KCTD2: variants seen among roughly 807,000 people sequenced by gnomAD.
The protein encoded by KCTD2 is potassium channel tetramerization domain containing 2.
KCTD2 carries 18 observed loss-of-function variants against 27.9 expected under a neutral mutation model. That is an observed-to-expected ratio of 0.64 (90% CI 0.45 to 0.96). The LOEUF (loss-of-function observed/expected upper bound fraction) is 0.96, where lower values mean the gene tolerates loss of function less well. KCTD2 is among the 40% of genes least tolerant of loss of function. KCTD2 has a pLI of 0.00. For missense variants in KCTD2, 280 were observed against 348.0 expected, an observed-to-expected ratio of 0.80 and a Z score of 1.56; for synonymous variants, 175 against 148.4, an observed-to-expected ratio of 1.18 and a Z score of -1.30.
At chr17:75,058,094 C>A (rs2073367486) in intron 3 of KCTD2, among the ~76,000 whole-genome samples, 1 of 151,446 alleles carries the variant, frequency 6.6e-6, no homozygotes, top group African/African-American at 2.4e-5. Flanking sequence ...GGGCCCAAGG[C>A]GGGCGGATCA....
rs2073393847 is a variant in KCTD2, at chr17:75,060,530, T to C, written c.636+925T>C. On this transcript the variant is annotated intron_variant, in intron 4 of 5. Coordinates refer to ENST00000322444, the MANE Select transcript of KCTD2 (RefSeq NM_015353.3). ...CGCGACAGCCAAGACCAGCTGCTCT[T>C]GATGCCCTTTTCACTTCTGTGTTGT... The C allele has an allele frequency of 1.9e-6, 3 of 1,612,810 alleles. No homozygotes were observed. The African/African-American group carries it at 4.0e-5, about 21-fold the overall frequency.
chr17:75,035,112 A>C (rs1234105188), intron 2 of KCTD2: 2 of 152,206 alleles, frequency 1.3e-5, no homozygotes, highest in Non-Finnish European at 2.9e-5. Flanking sequence ...CTGCAGCCGG[A>C]GACCGCGTGG....
rs1423543252 is a variant in KCTD2 at position 75,047,228 on chromosome 17, A to C, written c.-23A>C. The C allele has an allele frequency of 1.7e-5, 11 of 662,410 alleles. No homozygotes were observed. Among genetic ancestry groups the C allele is most frequent in the African/African-American group, 3.9e-5 (2 of 50,772 alleles). 41.0% of individuals were successfully genotyped at this position (662,410 alleles called of 1,614,324 possible). A position where few individuals can be genotyped will look rare whatever the true frequency, so the allele number is the denominator to read the frequency against. ...GCCGGCCCGGCTGCGCGCGGGCAGC[A>C]GCGGTGGCGGCGGCGGTCCAAGATG... On this transcript the variant is annotated 5_prime_UTR_variant, in exon 1 of 6. Transcript: ENST00000322444.
At chr17:75,053,884 T>TTTTTTTTG (rs2073320829) in intron 3 of KCTD2, among the ~76,000 whole-genome samples, 2 of 141,790 alleles carry the variant, frequency 1.4e-5, no homozygotes, top group African/African-American at 2.7e-5. Context: ...TTTTTTTTTT[T>TTTTTTTTG]GAGACAGAGT....
chr17:75,047,242 C>T lies in KCTD2; in HGVS notation c.-9C>T, dbSNP rs12952376. 0.31 allele frequency: 239,681 copies of T among 763,228 alleles called. 38,497 individuals carry two copies. Among genetic ancestry groups the T allele is most frequent in the Admixed American group, 0.41 (7,702 of 18,848 alleles). The allele number at this position is 763,228 out of a possible 1,614,324, so 47.3% of individuals were successfully genotyped here. ...GCGCGGGCAGCAGCGGTGGCGGCGGCGGTCCAAGATGGCGGAACTGCAGCT... is the reference window on the plus strand; with the variant it reads ...GCGCGGGCAGCAGCGGTGGCGGCGGTGGTCCAAGATGGCGGAACTGCAGCT... On this transcript the variant is annotated 5_prime_UTR_variant, in exon 1 of 6. Transcript: ENST00000322444.
chr17:75,056,997 C>G (rs1422827755), intron 3 of KCTD2, among the ~76,000 whole-genome samples: 1 of 142,214 alleles, frequency 7.0e-6, no homozygotes, highest in Non-Finnish European at 1.5e-5. Context: ...CTGTGTTGAC[C>G]AGGCTGGAGT....
intron 2 of KCTD2, among the ~76,000 whole-genome samples, chr17:75,051,574 A>G (rs551495513): frequency 3.9e-4 from 57 of 145,816 alleles, no homozygotes; most frequent in East Asian, 1.0e-3. Context: ...GTGAGCCACC[A>G]TGCCCGACCT....
intron 3 of KCTD2, 130 bp downstream of exon 3, chr17:75,053,235 A>G: frequency 4.2e-6 from 3 of 711,228 alleles, no homozygotes; most frequent in Non-Finnish European, 7.5e-6. Context: ...AGTGCAGGGA[A>G]TGCACACTCA....
At position 75,063,937 on chromosome 17, in the gene KCTD2, A is replaced by C. The variant is rs183692307; in HGVS notation, c.*890A>C. ...ACTTATGGACCCTTTGATGGCTTGG[A>C]GTGGGGAAGGCTGTTTCTTTGAAAG... On this transcript the variant is annotated 3_prime_UTR_variant, in exon 6 of 6. Coordinates refer to ENST00000322444, the MANE Select transcript of KCTD2 (RefSeq NM_015353.3). 28 of 152,682 alleles carry C rather than the reference A, an allele frequency of 1.8e-4. No homozygotes were observed. The highest frequency in any genetic ancestry group is 6.5e-4 in the African/African-American group (27 of 41,538). The allele number at this position is 152,682 out of a possible 1,614,324, so 9.5% of individuals were successfully genotyped here.
intron 4 of KCTD2, chr17:75,060,537 C>T: frequency 6.2e-7 from 1 of 1,612,926 alleles, no homozygotes. Flanking sequence ...TCTTGATGCC[C>T]TTTTCACTTC....
chr17:75,039,185 G>A lies in KCTD2; in HGVS notation c.-259+3828G>A, dbSNP rs199693457. 3.7e-5 allele frequency: 60 copies of A among 1,613,778 alleles called. No homozygotes were observed. In the Admixed American group the frequency reaches 9.7e-4, roughly 26 times the overall value. ...ATGAAAGAGAGAACCCATATTATAG[G>A]CAACGGCTACCCATCATCCTTACCT... On this transcript the variant is annotated intron_variant, in intron 3 of 7. Transcript: ENST00000581589.
chr17:75,062,887 G>A lies in KCTD2; in HGVS notation c.763-131G>A, dbSNP rs1015618759. 55 of 906,264 alleles carry A rather than the reference G, an allele frequency of 6.1e-5. No homozygotes were observed. In the Middle Eastern group the frequency reaches 3.9e-3, roughly 65 times the overall value. 56.1% of individuals were successfully genotyped at this position (906,264 alleles called of 1,614,324 possible). On this transcript the variant is annotated intron_variant, in intron 5 of 5. Coordinates refer to ENST00000322444, the MANE Select transcript of KCTD2 (RefSeq NM_015353.3). ...CCAGAAGCACTGCGGGTGAGGCTGC[G>A]GCTGCACCCCTGCTTGCTTCCTGGG...
intron 3 of KCTD2, among the ~76,000 whole-genome samples, chr17:75,055,251 C>T (rs754742506): frequency 3.0e-4 from 45 of 151,836 alleles, no homozygotes; most frequent in Middle Eastern, 3.4e-3. Context: ...GATGGTGTTT[C>T]GCCATATTGA....
intron 5 of KCTD2, among the ~76,000 whole-genome samples, chr17:75,062,699 AACACACAC>A (rs10533801): frequency 0.033 from 3,774 of 116,052 alleles, 178 homozygotes; most frequent in African/African-American, 0.1. Flanking sequence ...CCTCACCCCC[AACACACAC>A]ACACACACAC....
At chr17:75,040,196 C>T in intron 3 of KCTD2, 2 of 1,611,646 alleles carry the variant, frequency 1.2e-6, no homozygotes, top group South Asian at 1.1e-5. Context: ...ACCTTCAGCG[C>T]ATTAAACTAC....
At chr17:75,036,111 T>G (rs1470294331) in intron 3 of KCTD2, 2 of 448,480 alleles carry the variant, frequency 4.5e-6, no homozygotes, top group Non-Finnish European at 8.9e-6. Context: ...TGGAGTGCAG[T>G]AGCGTGATCT....
intron 3 of KCTD2, among the ~76,000 whole-genome samples, chr17:75,056,570 T>G (rs2073352233): frequency 1.3e-5 from 2 of 152,190 alleles, no homozygotes; most frequent in Non-Finnish European, 2.9e-5. Flanking sequence ...TTATACCCCT[T>G]TGGAAGCTTT....
upstream of KCTD2, among the ~76,000 whole-genome samples, chr17:75,042,904 G>A (rs2073175325): frequency 6.6e-6 from 1 of 152,064 alleles, no homozygotes; most frequent in Non-Finnish European, 1.5e-5. Flanking sequence ...AAAAGACAGT[G>A]TAGCTTTTCA....
intron 5 of KCTD2, among the ~76,000 whole-genome samples, chr17:75,062,756 G>A (rs934989568): frequency 9.5e-6 from 1 of 105,308 alleles, no homozygotes; most frequent in Admixed American, 9.9e-5. Flanking sequence ...CTTCTAAATC[G>A]TGGATACCAG....
Sources: gnomAD v4.1 joint callset for allele counts (sites outside exome capture counted in the v4.1 genomes callset) on GRCh38, gnomAD v4.1.1 for gene constraint, MANE v1.5 for transcripts, NCBI Gene and HGNC (gene_info 2026-07-23, HGNC 2026-07-21) for gene names.